The following PARK7 variants were observed in gnomAD, a reference collection of about 807,000 sequenced individuals.
The protein encoded by PARK7 is Parkinson disease protein 7.
In PARK7, 14 loss-of-function variants were observed where a neutral mutation model predicts 20.5. That is an observed-to-expected ratio of 0.68 (90% CI 0.45 to 1.07). The LOEUF is 1.07. PARK7 is among the 50% of genes least tolerant of loss of function. PARK7 has a pLI of 0.00. For missense variants in PARK7, 234 were observed against 238.1 expected, an observed-to-expected ratio of 0.98 and a Z score of 0.11; for synonymous variants, 98 against 84.3, an observed-to-expected ratio of 1.16 and a Z score of -0.89.
intron 3 of PARK7, among the ~76,000 whole-genome samples, chr1:7,966,208 T>G (rs1640325815): frequency 6.6e-6 from 1 of 151,730 alleles, no homozygotes; most frequent in Non-Finnish European, 1.5e-5. Flanking sequence ...GGAGGCAGAG[T>G]CGGCTCACAG....
At chr1:7,983,587 T>C (rs1640756567) in intron 6 of PARK7, among the ~76,000 whole-genome samples, 1 of 152,258 alleles carries the variant, frequency 6.6e-6, no homozygotes. Flanking sequence ...CGCAGAGGGC[T>C]CCAGGCCCCG....
At chr1:7,976,687 G>A (rs1640589822) in intron 5 of PARK7, among the ~76,000 whole-genome samples, 1 of 152,098 alleles carries the variant, frequency 6.6e-6, no homozygotes, top group Admixed American at 6.6e-5. Flanking sequence ...GTGGATAGGT[G>A]GATGAACGAG....
intron 5 of PARK7, among the ~76,000 whole-genome samples, chr1:7,975,475 G>A (rs1640563443): frequency 6.6e-6 from 1 of 152,150 alleles, no homozygotes; most frequent in Non-Finnish European, 1.5e-5. Context: ...GCTGCAGAAG[G>A]GGACATGGTC....
At chr1:7,968,599 T>C (rs1318500790) in intron 3 of PARK7, among the ~76,000 whole-genome samples, 2 of 152,144 alleles carry the variant, frequency 1.3e-5, no homozygotes, top group Non-Finnish European at 2.9e-5. Flanking sequence ...CACTGCAGCC[T>C]CTGCCTCCTA....
chr1:7,981,909 C>A (rs1161337752), intron 6 of PARK7, among the ~76,000 whole-genome samples: 3 of 150,126 alleles, frequency 2.0e-5, no homozygotes, highest in African/African-American at 4.9e-5. Flanking sequence ...CTGCCCTCCT[C>A]GGCTTCCCCA....
In PARK7 at chr1:7,981,664, T is replaced by TG. The variant is rs1327351047; in HGVS notation, c.410-3230_410-3229insG. On this transcript the variant is annotated intron_variant, in intron 6 of 6. Coordinates refer to ENST00000338639, the MANE Select transcript of PARK7 (RefSeq NM_007262.5). ...GACCTGTGTCCTGTGTCTTTTGTTT[T>TG]TTTTTTTTTTTTGAGACAGAGTCTC... Among the ~76,000 whole-genome samples the TG allele has an allele frequency of 2.7e-5, 4 of 150,720 alleles. No individual in the cohort carries two copies. The South Asian group carries it at 8.4e-4, about 32-fold the overall frequency.
chr1:7,976,866 G>A (rs60986491), intron 5 of PARK7, among the ~76,000 whole-genome samples: 1,583 of 152,090 alleles, frequency 0.01, 30 homozygotes, highest in African/African-American at 0.036. Context: ...GACTACAGGC[G>A]CCCGCCACCA....
chr1:7,970,366 G>C (rs71639210), intron 4 of PARK7, among the ~76,000 whole-genome samples: 7 of 152,268 alleles, frequency 4.6e-5, no homozygotes, highest in Non-Finnish European at 7.3e-5. Flanking sequence ...AGTCTTAACT[G>C]GGGGAAGCTG....
Position 7,984,172 on chromosome 1 carries a change from A to G in PARK7, c.410-722A>G, listed in dbSNP as rs1395015685. ...CCTGGAGCAGGAGAGAACGTGTTGTATACAGTAAGGGAAGCTCCAGGTGGG... is the reference window on the plus strand; with the variant it reads ...CCTGGAGCAGGAGAGAACGTGTTGTGTACAGTAAGGGAAGCTCCAGGTGGG... On this transcript the variant is annotated intron_variant, in intron 6 of 6. Transcript: ENST00000338639. The surrounding 1 kb of genome is among the most constrained non-coding windows in gnomAD (Gnocchi z 4.3). Among the ~76,000 whole-genome samples the G allele has an allele frequency of 6.6e-6, 1 of 152,002 alleles. No homozygotes were observed. The highest frequency in any genetic ancestry group is 1.5e-5 in the Non-Finnish European group (1 of 67,998).
At chr1:7,969,837 C>G (rs1640421813) in intron 4 of PARK7, among the ~76,000 whole-genome samples, 1 of 152,156 alleles carries the variant, frequency 6.6e-6, no homozygotes, top group South Asian at 2.1e-4. Flanking sequence ...CTCGGCCTCC[C>G]AAAGTGCTGG....
intron 5 of PARK7, among the ~76,000 whole-genome samples, chr1:7,972,796 C>T (rs762020010): frequency 3.3e-5 from 5 of 151,606 alleles, no homozygotes; most frequent in African/African-American, 4.8e-5. Context: ...CCCAGCTACT[C>T]GGGAGGCTGA....
At chr1:7,964,444 C>T (rs1048809543) in intron 2 of PARK7, among the ~76,000 whole-genome samples, 4 of 152,274 alleles carry the variant, frequency 2.6e-5, no homozygotes, top group African/African-American at 9.6e-5. Context: ...AGATACATGT[C>T]GATTAAGTTT....
chr1:7,970,814 AT>A (rs1465004727), intron 4 of PARK7, 79 bp from the exon 5 acceptor site: 15 of 1,400,876 alleles, frequency 1.1e-5, no homozygotes, highest in Admixed American at 3.5e-5. Context: ...CTAAAATTAA[AT>A]TCTTCCAAAG....
intron 6 of PARK7, among the ~76,000 whole-genome samples, chr1:7,981,660 G>GT (rs1245140194): frequency 0.14 from 19,294 of 136,392 alleles, 2,046 homozygotes; most frequent in African/African-American, 0.27. Context: ...TGTGTCTTTT[G>GT]TTTTTTTTTT....
At chr1:7,973,237 G>C (rs796311234) in intron 5 of PARK7, among the ~76,000 whole-genome samples, 1 of 152,178 alleles carries the variant, frequency 6.6e-6, no homozygotes, top group Non-Finnish European at 1.5e-5. Flanking sequence ...CTTTTGACCT[G>C]CCCTGAGGCT....
At chr1:7,964,252 A>C (rs1339166273) in intron 2 of PARK7, among the ~76,000 whole-genome samples, 1 of 152,186 alleles carries the variant, frequency 6.6e-6, no homozygotes, top group African/African-American at 2.4e-5. Flanking sequence ...AGTGCCGATA[A>C]ACCTTACAAC....
intron 6 of PARK7, among the ~76,000 whole-genome samples, chr1:7,979,471 C>T (rs1187782478): frequency 6.6e-6 from 1 of 152,132 alleles, no homozygotes; most frequent in East Asian, 1.9e-4. Flanking sequence ...TGATCCAGAG[C>T]AGTGTTTTCC....
rs1453324203 is a variant in PARK7 at position 7,965,538 on chromosome 1, C to T, written c.192+113C>T. On this transcript the variant is annotated intron_variant, in intron 3 of 6. Transcript: ENST00000338639. ...TTAGAAAATTATTTTGCTTGAATGT[C>T]TTCCCCTGACAGATTAAGAGGGTGA... 1.2e-5 allele frequency: 11 copies of T among 887,332 alleles called. No homozygotes were observed. The South Asian group carries it at 1.2e-4, about 10-fold the overall frequency. The allele number at this position is 887,332 out of a possible 1,614,324, so 55.0% of individuals were successfully genotyped here.
Position 7,969,484 on chromosome 1 carries a change from C to T in PARK7, c.252+80C>T, listed in dbSNP as rs542970158. 4 of 990,238 alleles carry T rather than the reference C, an allele frequency of 4.0e-6. No individual in the cohort carries two copies. In the East Asian group the frequency reaches 1.0e-4, roughly 25 times the overall value. The allele number at this position is 990,238 out of a possible 1,614,324, so 61.3% of individuals were successfully genotyped here. ...AAGAATTTCAGCATCTGCTTATGTT[C>T]TGTTAATTTTGTTATTATTCAAATA... On this transcript the variant is annotated intron_variant, in intron 4 of 6. Coordinates refer to ENST00000338639, the MANE Select transcript of PARK7 (RefSeq NM_007262.5).
Sources: gnomAD v4.1 joint callset for allele counts (sites outside exome capture counted in the v4.1 genomes callset) on GRCh38, gnomAD v4.1.1 for gene constraint, Gnocchi (gnomAD v3.1) non-coding constraint, MANE v1.5 for transcripts, NCBI Gene and HGNC (gene_info 2026-07-23, HGNC 2026-07-21) for gene names.